The following VPS50 variants were observed in gnomAD, a reference collection of about 807,000 sequenced individuals.
The protein encoded by VPS50 is syndetin.
A neutral mutation model predicts 139.7 loss-of-function variants in VPS50; 70 were observed. The ratio of observed to expected loss-of-function variants is 0.50; its 90% confidence interval spans 0.41 to 0.61. VPS50 has a LOEUF of 0.61. Among genes scored for constraint, VPS50 ranks in the 20% least tolerant of loss-of-function variants. VPS50 has a pLI of 0.00. For synonymous variants in VPS50, 365 were observed against 376.7 expected, an observed-to-expected ratio of 0.97 and a Z score of 0.36; for missense variants, 921 against 1,133.7, an observed-to-expected ratio of 0.81 and a Z score of 2.69.
intron 23 of VPS50, among the ~76,000 whole-genome samples, chr7:93,346,080 C>T (rs1798384237): frequency 6.6e-6 from 1 of 152,200 alleles, no homozygotes; most frequent in Non-Finnish European, 1.5e-5. Context: ...TACAAAACCC[C>T]ATTGTCTCAG....
intron 1 of VPS50, among the ~76,000 whole-genome samples, chr7:93,238,371 G>A (rs969613762): frequency 2.0e-4 from 31 of 151,364 alleles, no homozygotes; most frequent in African/African-American, 6.6e-4. Flanking sequence ...GGAACAATGC[G>A]CTAATTTGTG....
intron 23 of VPS50, among the ~76,000 whole-genome samples, chr7:93,345,686 T>C (rs1410496196): frequency 6.6e-6 from 1 of 152,194 alleles, no homozygotes; most frequent in East Asian, 1.9e-4. Flanking sequence ...CACAAATCAA[T>C]AAATGTAATC....
At chr7:93,263,716 A>G (rs368884664) in intron 9 of VPS50, among the ~76,000 whole-genome samples, 24 of 152,194 alleles carry the variant, frequency 1.6e-4, no homozygotes, top group African/African-American at 4.3e-4. Flanking sequence ...TACTGACTCT[A>G]TATCTTGTAA....
chr7:93,291,573 A>C (rs1796649056), intron 12 of VPS50, 130 bp from the exon 13 acceptor site: 4 of 498,276 alleles, frequency 8.0e-6, no homozygotes, highest in Non-Finnish European at 1.3e-5. Flanking sequence ...TTTTCTCTTT[A>C]GATATGTCAG....
intron 2 of VPS50, among the ~76,000 whole-genome samples, chr7:93,245,636 A>G (rs1019860952): frequency 6.6e-6 from 1 of 151,910 alleles, no homozygotes; most frequent in Admixed American, 6.6e-5. Context: ...ATGTGATCCA[A>G]TAACCTTTTA....
intron 9 of VPS50, among the ~76,000 whole-genome samples, chr7:93,270,446 A>T (rs1462797662): frequency 3.3e-5 from 5 of 152,084 alleles, no homozygotes; most frequent in African/African-American, 9.7e-5. Context: ...TGTGGTTCAC[A>T]TAAATTTTAA....
intron 12 of VPS50, among the ~76,000 whole-genome samples, chr7:93,279,682 GA>G (rs1584420512): frequency 1.3e-5 from 2 of 152,298 alleles, no homozygotes; most frequent in East Asian, 3.9e-4. Flanking sequence ...GCAGGGTGTT[GA>G]CTGACATGAA....
At chr7:93,354,076 T>A (rs1798630506) in intron 26 of VPS50, among the ~76,000 whole-genome samples, 1 of 152,172 alleles carries the variant, frequency 6.6e-6, no homozygotes, top group African/African-American at 2.4e-5. Flanking sequence ...CTAACCTTTT[T>A]TGAGCATTAA....
At position 93,351,358 on chromosome 7, in the gene VPS50, C is replaced by T. The variant is rs535733660; in HGVS notation, c.2463+1325C>T. ...GAATGTAATTTATAAATAATGATAC[C>T]CCTTCTTTTTTTTTTAACAATTCTG... is the stretch of plus-strand genomic sequence containing the variant. On this transcript the variant is annotated intron_variant, in intron 25 of 27. Transcript: ENST00000305866. 9.2e-5 allele frequency among the ~76,000 whole-genome samples: 14 copies of T among 151,830 alleles called. No individual in the cohort carries two copies. The South Asian group carries it at 1.9e-3, about 20-fold the overall frequency.
At position 93,360,217 on chromosome 7, in the gene VPS50, T is replaced by G. The variant is rs1045279767; in HGVS notation, c.*1781T>G. The G allele has an allele frequency of 6.6e-6, 1 of 152,108 alleles. No homozygotes were observed. The highest frequency in any genetic ancestry group is 2.4e-5 in the African/African-American group (1 of 41,434). 9.4% of individuals were successfully genotyped at this position (152,108 alleles called of 1,614,324 possible). Reference sequence around the variant, plus strand: ...AATTTCTACTTTAGTTGGCCCTAGATAATATGAACAGGAATCACCTGCCTG... The same window carrying G: ...AATTTCTACTTTAGTTGGCCCTAGAGAATATGAACAGGAATCACCTGCCTG... On this transcript the variant is annotated 3_prime_UTR_variant, in exon 28 of 28. Coordinates refer to ENST00000305866, the MANE Select transcript of VPS50 (RefSeq NM_017667.4).
intron 18 of VPS50, among the ~76,000 whole-genome samples, chr7:93,306,499 T>C (rs1272833552): frequency 1.3e-5 from 2 of 151,900 alleles, no homozygotes; most frequent in South Asian, 4.1e-4. Flanking sequence ...AACAACACTT[T>C]GAGGACCTCA....
intron 23 of VPS50, among the ~76,000 whole-genome samples, chr7:93,342,270 G>A (rs1255894023): frequency 9.2e-5 from 14 of 152,200 alleles, no homozygotes; most frequent in South Asian, 2.1e-4. Context: ...CTTTTCCGAC[G>A]GGCTTAAAAA....
chr7:93,267,944 A>G (rs1352698416), intron 9 of VPS50, among the ~76,000 whole-genome samples: 1 of 152,132 alleles, frequency 6.6e-6, no homozygotes, highest in Non-Finnish European at 1.5e-5. Flanking sequence ...TCGTTAGTTT[A>G]ATAGGGAGCC....
intron 6 of VPS50, 142 bp from the exon 7 acceptor site, chr7:93,258,017 G>A: frequency 1.7e-6 from 1 of 574,024 alleles, no homozygotes. Flanking sequence ...TGGCCATTGA[G>A]TACATTTGTC....
Position 93,358,448 on chromosome 7 carries a change from C to G in VPS50, c.*12C>G, listed in dbSNP as rs758222777. 5.0e-6 allele frequency: 8 copies of G among 1,608,894 alleles called. No homozygotes were observed. Among genetic ancestry groups the G allele is most frequent in the Non-Finnish European group, 6.8e-6 (8 of 1,176,246 alleles). On this transcript the variant is annotated 3_prime_UTR_variant, in exon 28 of 28. Coordinates refer to ENST00000305866, the MANE Select transcript of VPS50 (RefSeq NM_017667.4). ...GACCTAAAAGATAATGAACACAGCT[C>G]TCTTTCCTCAATGGCATTGATCCTC...
At chr7:93,272,516 T>C (rs187499372) in intron 10 of VPS50, 119 bp from the exon 11 acceptor site, 54 of 450,528 alleles carry the variant, frequency 1.2e-4, no homozygotes, top group African/African-American at 1.0e-3. Context: ...AAATCTGGTA[T>C]GATAGTAAAT....
rs746729626 is a variant in VPS50, at chr7:93,271,271, T to A, written c.702+9T>A. 6.4e-7 allele frequency: 1 copy of A among 1,554,244 alleles called. No individual in the cohort carries two copies. The highest frequency in any genetic ancestry group is 1.3e-5 in the South Asian group (1 of 79,972). ...CTTTGGAACAGATTGAGGTAAGAAG[T>A]ATTATATCCTAACCTTAATGAGTTT... On this transcript the variant is annotated intron_variant, in intron 10 of 27. Coordinates refer to ENST00000305866, the MANE Select transcript of VPS50 (RefSeq NM_017667.4).
At chr7:93,296,653 T>C (rs1796820178) in intron 14 of VPS50, 89 bp from the exon 15 acceptor site, 1 of 1,514,846 alleles carries the variant, frequency 6.6e-7, no homozygotes, top group African/African-American at 1.4e-5. Flanking sequence ...TCCTGTCTCA[T>C]TTTAATCTGG....
intron 23 of VPS50, 51 bp downstream of exon 23, chr7:93,341,626 TA>T: frequency 7.7e-7 from 1 of 1,305,546 alleles, no homozygotes; most frequent in Non-Finnish European, 1.1e-6. Context: ...AGAAACTTTA[TA>T]AAAGAAGCAT....
Sources: gnomAD v4.1 joint callset for allele counts (sites outside exome capture counted in the v4.1 genomes callset) on GRCh38, gnomAD v4.1.1 for gene constraint, MANE v1.5 for transcripts, NCBI Gene and HGNC (gene_info 2026-07-23, HGNC 2026-07-21) for gene names.